The following ST3GAL2 variants were observed in gnomAD, a reference collection of about 807,000 sequenced individuals.
ST3GAL2 encodes the protein CMP-N-acetylneuraminate-beta-galactosamide-alpha-2,3-sialyltransferase 2.
ST3GAL2 carries 16 observed loss-of-function variants against 37.5 expected under a neutral mutation model. That is an observed-to-expected ratio of 0.43 (90% CI 0.29 to 0.65). ST3GAL2 has a LOEUF of 0.65. Ranked by LOEUF, ST3GAL2 falls within the 30% of genes least tolerant of loss-of-function variation. The probability of loss-of-function intolerance (pLI) is 0.17; values close to 1 mark genes in which losing one functional copy is unlikely to be tolerated. For synonymous variants in ST3GAL2, 238 were observed against 202.9 expected (o/e 1.17, Z -1.47); for missense variants, 383 against 487.8 (o/e 0.79, Z 2.02).
At chr16:70,383,146 C>G (rs747354717) in intron 5 of ST3GAL2, 44 bp downstream of exon 5, 7 of 1,610,478 alleles carry the variant, frequency 4.3e-6, no homozygotes, top group Non-Finnish European at 5.9e-6. Context: ...ACAGGCTGGG[C>G]CAGCACTGTT....
rs1410409752 is a variant in ST3GAL2, at chr16:70,395,259, C to T, written c.340-84G>A. 4 of 1,286,486 alleles carry T rather than the reference C, an allele frequency of 3.1e-6. No homozygotes were observed. In the East Asian group the frequency reaches 9.8e-5, roughly 31 times the overall value. 79.7% of individuals were successfully genotyped at this position (1,286,486 alleles called of 1,614,324 possible). On this transcript the variant is annotated intron_variant, in intron 2 of 6. Coordinates refer to ENST00000342907, the MANE Select transcript of ST3GAL2 (RefSeq NM_006927.4). ...GGGCCCCGGCCTCCCCTCCTCTGCC[C>T]TCACTATCCTGTGTCTGGGCACAGG...
rs557720961 is a variant in ST3GAL2, at chr16:70,418,899, C to A, written c.-1003-19366G>T. 7.2e-5 allele frequency among the ~76,000 whole-genome samples: 11 copies of A among 152,326 alleles called. No homozygotes were observed. The South Asian group carries it at 2.1e-3, about 29-fold the overall frequency. On this transcript the variant is annotated intron_variant, in intron 1 of 6. Coordinates refer to ENST00000342907, the MANE Select transcript of ST3GAL2 (RefSeq NM_006927.4). ...ATCAGCTGGTGGCAACAGAGCCCCCCACACCAGAGGCTTCCTGGAACAACC... is the reference window on the plus strand; with the variant it reads ...ATCAGCTGGTGGCAACAGAGCCCCCAACACCAGAGGCTTCCTGGAACAACC...
At chr16:70,424,513 A>C (rs2047737528) in intron 1 of ST3GAL2, among the ~76,000 whole-genome samples, 1 of 151,822 alleles carries the variant, frequency 6.6e-6, no homozygotes, top group Non-Finnish European at 1.5e-5. Context: ...AGACAGGAGA[A>C]TTGCTTGAAC....
At chr16:70,386,179 C>T (rs1487481884) in intron 4 of ST3GAL2, among the ~76,000 whole-genome samples, 1 of 151,218 alleles carries the variant, frequency 6.6e-6, no homozygotes, top group African/African-American at 2.4e-5. Context: ...CGCCACCACA[C>T]CCAGCTAGTT....
chr16:70,388,572 G>A (rs1464547657), intron 3 of ST3GAL2, 26 bp from the exon 4 acceptor site: 2 of 1,537,832 alleles, frequency 1.3e-6, no homozygotes, highest in Non-Finnish European at 1.8e-6. Context: ...GGTGACATGA[G>A]AATCAACTGC....
At chr16:70,434,198 GGAGGCCGAGGCAGGCGGATCAC>G (rs2047809462) in intron 1 of ST3GAL2, among the ~76,000 whole-genome samples, 2 of 152,300 alleles carry the variant, frequency 1.3e-5, no homozygotes, top group South Asian at 4.1e-4. Context: ...CAGCAGTTTG[GGAGGCCGAGGCAGGCGGATCAC>G]GAGGTCAGGA....
intron 1 of ST3GAL2, among the ~76,000 whole-genome samples, chr16:70,410,275 G>T (rs2047628438): frequency 2.5e-5 from 1 of 39,236 alleles, no homozygotes; most frequent in Non-Finnish European, 4.2e-5. Context: ...TTTTGAGACG[G>T]AGTCTCACCC....
chr16:70,395,165 G>T lies in ST3GAL2; in HGVS notation c.350C>A (p.Pro117His). 1 of 1,599,474 alleles carries T rather than the reference G, an allele frequency of 6.3e-7. No individual in the cohort carries two copies. Among genetic ancestry groups the T allele is most frequent in the Non-Finnish European group, 8.5e-7 (1 of 1,171,890 alleles). Reference sequence around the variant, plus strand: ...ATTGGTGTTGTGTGACTTGAACTGGGGCTGCAGCATCTGTGGAAGGGAGGG... The same window carrying T: ...ATTGGTGTTGTGTGACTTGAACTGGTGCTGCAGCATCTGTGGAAGGGAGGG... ...DVQRWWMMLQ[P>H]QFKSHNTNEV... The change falls in exon 3 of 7, where the codon CCC becomes CAC. Residue 117 changes from proline to histidine, a missense_variant. Pro to His is a moderately conservative substitution (Grantham distance 77). Coordinates refer to ENST00000342907, the MANE Select transcript of ST3GAL2 (RefSeq NM_006927.4).
rs1000277286 is a variant in ST3GAL2, at chr16:70,398,970, G to A, written c.-440C>T. ...TGGTTCATGAGCAGACAATGAGGCG[G>A]CCCCTCGTTCCCGGCAGCGGGGAAG... On this transcript the variant is annotated 5_prime_UTR_variant, in exon 2 of 7. Transcript: ENST00000342907. The A allele has an allele frequency of 4.8e-6, 2 of 413,398 alleles. No individual in the cohort carries two copies. Among genetic ancestry groups the A allele is most frequent in the Non-Finnish European group, 4.3e-6 (1 of 234,252 alleles). The allele number at this position is 413,398 out of a possible 1,614,324, so 25.6% of individuals were successfully genotyped here.
At chr16:70,432,228 T>C (rs1483801254) in intron 1 of ST3GAL2, among the ~76,000 whole-genome samples, 1 of 152,172 alleles carries the variant, frequency 6.6e-6, no homozygotes, top group Non-Finnish European at 1.5e-5. Flanking sequence ...TTATTGTACA[T>C]GGTAGTATCC....
intron 3 of ST3GAL2, 137 bp downstream of exon 3, chr16:70,394,845 G>C: frequency 2.1e-6 from 2 of 959,514 alleles, no homozygotes; most frequent in Non-Finnish European, 3.1e-6. Flanking sequence ...CAAGCCTGCT[G>C]TGAAAGACTC....
intron 1 of ST3GAL2, among the ~76,000 whole-genome samples, chr16:70,421,309 G>T (rs1031776187): frequency 6.6e-6 from 1 of 152,250 alleles, no homozygotes; most frequent in African/African-American, 2.4e-5. Flanking sequence ...TAGGCCCAAA[G>T]TGGGCCTTTC....
intron 4 of ST3GAL2, among the ~76,000 whole-genome samples, chr16:70,386,221 T>TC (rs2151657628): frequency 6.6e-6 from 1 of 150,518 alleles, no homozygotes; most frequent in East Asian, 2.0e-4. Context: ...GGAGTCTCGC[T>TC]CTGTCACCCA....
chr16:70,417,449 G>A (rs1301488578), intron 1 of ST3GAL2, among the ~76,000 whole-genome samples: 3 of 152,088 alleles, frequency 2.0e-5, no homozygotes, highest in Non-Finnish European at 2.9e-5. Context: ...GACGGTGCGC[G>A]TCCATCCTAT....
chr16:70,420,537 C>T (rs757292657), intron 1 of ST3GAL2, among the ~76,000 whole-genome samples: 1 of 152,144 alleles, frequency 6.6e-6, no homozygotes. Context: ...CAAGCCAGCA[C>T]TAGGAGGCCA....
In ST3GAL2 at chr16:70,381,827, GC is replaced by G; in HGVS notation, c.914del (p.Gly305AlafsTer151). On this transcript the variant is annotated frameshift_variant, in exon 7 of 7. Coordinates refer to ENST00000342907, the MANE Select transcript of ST3GAL2 (RefSeq NM_006927.4). LOFTEE classifies it high-confidence loss of function. ...TGTTCTCCCAGTAGTGGTGCCAGTT[GC>G]CCCGGCTGTCGGCCCCGAACCCGTA... ...NVYGFGADSR[G>X]NWHHYWENNR... The G allele has an allele frequency of 1.2e-6, 2 of 1,614,054 alleles. No homozygotes were observed. The highest frequency in any genetic ancestry group is 1.7e-6 in the Non-Finnish European group (2 of 1,179,938).
rs1329959149 is a variant in ST3GAL2 at position 70,380,906 on chromosome 16, AGGCCTCC to A, written c.*776_*782del. ...CAGAGCAACAGGTAGGCTGGTGAGG[AGGCCTCC>A]GGCCCAGGGAGAGGCGCTGAGAAGG... On this transcript the variant is annotated 3_prime_UTR_variant, in exon 7 of 7. Transcript: ENST00000342907. 1 of 154,190 alleles carries A rather than the reference AGGCCTCC, an allele frequency of 6.5e-6. No homozygotes were observed. Among genetic ancestry groups the A allele is most frequent in the Non-Finnish European group, 1.4e-5 (1 of 69,640 alleles). 9.6% of individuals were successfully genotyped at this position (154,190 alleles called of 1,614,324 possible).
At chr16:70,433,935 C>T (rs1045236447) in intron 1 of ST3GAL2, among the ~76,000 whole-genome samples, 4 of 152,232 alleles carry the variant, frequency 2.6e-5, no homozygotes, top group African/African-American at 9.6e-5. Flanking sequence ...ACACCCCCTC[C>T]AGCCCACAGG....
intron 4 of ST3GAL2, among the ~76,000 whole-genome samples, chr16:70,385,736 CTTT>C (rs1377906587): frequency 7.8e-6 from 1 of 127,920 alleles, no homozygotes; most frequent in Non-Finnish European, 1.6e-5. Context: ...CAGAGCCCTG[CTTT>C]GTTGCCCAGG....
Sources: gnomAD v4.1 joint callset for allele counts (sites outside exome capture counted in the v4.1 genomes callset) on GRCh38, gnomAD v4.1.1 for gene constraint, MANE v1.5 for transcripts, NCBI Gene and HGNC (gene_info 2026-07-23, HGNC 2026-07-21) for gene names.